SGIP1: variants seen among roughly 807,000 people sequenced by gnomAD.
SGIP1 encodes SH3-containing GRB2-like protein 3-interacting protein 1.
SGIP1 carries 38 observed loss-of-function variants against 107.5 expected under a neutral mutation model. The observed-to-expected ratio is 0.35, with a 90% CI of 0.27 to 0.46. The LOEUF is 0.46. Among genes scored for constraint, SGIP1 ranks in the 20% least tolerant of loss-of-function variants. The pLI is 1.00. For missense variants in SGIP1, 929 were observed against 1,019.5 expected (o/e 0.91, Z 1.21); for synonymous variants, 365 against 366.1 (o/e 1.00, Z 0.03).
At chr1:66,625,682 A>C (rs879637697) in intron 1 of SGIP1, among the ~76,000 whole-genome samples, 165 bp from the exon 2 acceptor site, 3 of 152,244 alleles carry the variant, frequency 2.0e-5, no homozygotes, top group Non-Finnish European at 4.4e-5. Context: ...GAAAAAATGT[A>C]ATAATGAATC....
chr1:66,735,636 A>C (rs1406637209), intron 21 of SGIP1, among the ~76,000 whole-genome samples: 1 of 66,976 alleles, frequency 1.5e-5, no homozygotes. Flanking sequence ...CTGGCTAACA[A>C]GGTGAAACCC....
rs2094548357 is a variant in SGIP1 at position 66,746,043 on chromosome 1, AATAG to A, written c.*2953_*2956del. The A allele has an allele frequency of 2.0e-5, 3 of 152,110 alleles. No homozygotes were observed. Among genetic ancestry groups the A allele is most frequent in the Admixed American group, 2.0e-4 (3 of 15,270 alleles). The allele number at this position is 152,110 out of a possible 1,614,324, so 9.4% of individuals were successfully genotyped here. ...TCCACAATTCAAACGGTTTTGAGTT[AATAG>A]ATAGGAATCCCTCAGTCAAACTACA... On this transcript the variant is annotated 3_prime_UTR_variant, in exon 25 of 25. Transcript: ENST00000371037.
chr1:66,587,125 A>G (rs1490320147), intron 1 of SGIP1, among the ~76,000 whole-genome samples: 1 of 151,960 alleles, frequency 6.6e-6, no homozygotes, highest in Admixed American at 6.5e-5. Flanking sequence ...AGAATTTATT[A>G]TTTGTATTTA....
At chr1:66,586,293 A>T (rs1159626198) in intron 1 of SGIP1, among the ~76,000 whole-genome samples, 1 of 152,132 alleles carries the variant, frequency 6.6e-6, no homozygotes, top group East Asian at 1.9e-4. Context: ...CCCCTTGACC[A>T]ATCTTTATCT....
intron 24 of SGIP1, among the ~76,000 whole-genome samples, chr1:66,742,489 A>G (rs1440197855): frequency 1.2e-4 from 1 of 8,014 alleles, no homozygotes; most frequent in Admixed American, 1.5e-3. Flanking sequence ...TTTTTTTTTG[A>G]GACGGAGTCT....
chr1:66,591,641 G>C (rs1408073997), intron 1 of SGIP1, among the ~76,000 whole-genome samples: 2 of 152,194 alleles, frequency 1.3e-5, no homozygotes, highest in African/African-American at 4.8e-5. Context: ...AAAGAAATAA[G>C]ACACAGAGAC....
chr1:66,727,424 G>A (rs2150547879), intron 19 of SGIP1, among the ~76,000 whole-genome samples: 1 of 152,292 alleles, frequency 6.6e-6, no homozygotes, highest in Middle Eastern at 3.4e-3. Context: ...GAATGTGGAA[G>A]AACTAAAACC....
chr1:66,630,408 C>A (rs975737112), intron 2 of SGIP1, among the ~76,000 whole-genome samples: 1 of 152,136 alleles, frequency 6.6e-6, no homozygotes, highest in African/African-American at 2.4e-5. Flanking sequence ...AAAGTTGATG[C>A]AATCACTTCT....
intron 18 of SGIP1, among the ~76,000 whole-genome samples, chr1:66,713,355 A>G (rs964388736): frequency 4.6e-5 from 7 of 152,126 alleles, no homozygotes; most frequent in African/African-American, 1.7e-4. Flanking sequence ...AGAGCCAGAA[A>G]ATCTAGGATT....
intron 1 of SGIP1, among the ~76,000 whole-genome samples, chr1:66,618,990 G>A (rs566692531): frequency 1.6e-3 from 245 of 152,248 alleles, no homozygotes; most frequent in African/African-American, 5.6e-3. Flanking sequence ...TTGGAAGCAC[G>A]CATTTGCATG....
At chr1:66,587,314 A>C (rs1054551165) in intron 1 of SGIP1, among the ~76,000 whole-genome samples, 1 of 151,930 alleles carries the variant, frequency 6.6e-6, no homozygotes, top group Non-Finnish European at 1.5e-5. Context: ...CTGAGACTCC[A>C]AATGATAACT....
At chr1:66,543,111 G>T (rs1483212498) in intron 1 of SGIP1, among the ~76,000 whole-genome samples, 1 of 152,142 alleles carries the variant, frequency 6.6e-6, no homozygotes, top group Admixed American at 6.5e-5. Flanking sequence ...CACACAGAAG[G>T]ATTTTATCCC....
chr1:66,632,149 G>T (rs1411667104), intron 2 of SGIP1, among the ~76,000 whole-genome samples: 1 of 152,172 alleles, frequency 6.6e-6, no homozygotes, highest in African/African-American at 2.4e-5. Flanking sequence ...AGGAACTATT[G>T]TAAGTTCTCT....
chr1:66,604,912 T>A (rs1400601132), intron 1 of SGIP1, among the ~76,000 whole-genome samples: 1 of 152,230 alleles, frequency 6.6e-6, no homozygotes, highest in African/African-American at 2.4e-5. Context: ...ACTATTTTTC[T>A]ACTTCTCCAT....
chr1:66,534,078 A>C (rs1249228340), upstream of SGIP1: 1 of 553,550 alleles, frequency 1.8e-6, no homozygotes, highest in African/African-American at 1.9e-5. Context: ...CGCGGTCCAA[A>C]GCTGAAGGGA....
intron 9 of SGIP1, among the ~76,000 whole-genome samples, chr1:66,668,158 GA>G (rs1185130499): frequency 2.0e-5 from 3 of 152,068 alleles, no homozygotes; most frequent in Non-Finnish European, 4.4e-5. Context: ...TGTTCAAAGT[GA>G]AAACTGTCGT....
intron 7 of SGIP1, among the ~76,000 whole-genome samples, chr1:66,652,951 G>A (rs978958526): frequency 2.0e-5 from 3 of 152,168 alleles, no homozygotes; most frequent in East Asian, 1.9e-4. Context: ...GGAAAGCTTC[G>A]TAGGGCAAAT....
chr1:66,553,807 T>C (rs1178867125), intron 1 of SGIP1, among the ~76,000 whole-genome samples: 1 of 152,148 alleles, frequency 6.6e-6, no homozygotes, highest in Non-Finnish European at 1.5e-5. Flanking sequence ...CTTCCTACAC[T>C]AACCTCTCCT....
Position 66,682,341 on chromosome 1 carries a change from C to A in SGIP1, c.1287C>A (p.Gly429=). Residue 429 remains glycine (G), a synonymous_variant, in exon 15 of 25, where the codon GGC becomes GGA. Coordinates refer to ENST00000371037, the MANE Select transcript of SGIP1 (RefSeq NM_032291.4). ...YRTVVSSPGP[G]SGPGPGTTSG... is the part of the protein sequence containing the mutation. ...CTGTGGTTTCGTCCCCCGGACCTGG[C>A]TCGGGCCCTGGTCCGGGGACCACCA... The A allele has an allele frequency of 6.2e-7, 1 of 1,613,464 alleles. No individual in the cohort carries two copies. Among genetic ancestry groups the A allele is most frequent in the South Asian group, 1.1e-5 (1 of 91,006 alleles).
Sources: allele counts gnomAD v4.1 joint callset (sites outside exome capture counted in the v4.1 genomes callset), GRCh38; gene constraint gnomAD v4.1.1; transcripts MANE v1.5; gene names NCBI Gene and HGNC (gene_info 2026-07-23, HGNC 2026-07-21).